Variants in RCHY1 observed in about 807,000 individuals in gnomAD.
RCHY1 encodes RING finger and CHY zinc finger domain-containing protein 1.
In RCHY1, 21 loss-of-function variants were observed where a neutral mutation model predicts 41.6. The observed-to-expected ratio is 0.51, with a 90% CI of 0.36 to 0.73. RCHY1 has a LOEUF of 0.73. Among genes scored for constraint, RCHY1 ranks in the 30% least tolerant of loss-of-function variants. RCHY1 has a pLI of 0.00. For synonymous variants in RCHY1, 79 were observed against 102.9 expected, an observed-to-expected ratio of 0.77 and a Z score of 1.41; for missense variants, 265 against 325.3, an observed-to-expected ratio of 0.81 and a Z score of 1.43.
At chr4:75,513,671 T>C (rs1205142921) in intron 1 of RCHY1, among the ~76,000 whole-genome samples, 6 of 152,230 alleles carry the variant, frequency 3.9e-5, no homozygotes, top group Non-Finnish European at 7.3e-5. Context: ...CACTTTCCTA[T>C]GCATAATTTC....
intron 3 of RCHY1, among the ~76,000 whole-genome samples, chr4:75,500,878 C>T (rs564259998): frequency 5.9e-5 from 9 of 152,172 alleles, no homozygotes; most frequent in Middle Eastern, 3.4e-3. Context: ...GACTGATTTT[C>T]AAACAAAAAT....
chr4:75,495,425 G>C (rs1056109511), intron 3 of RCHY1, among the ~76,000 whole-genome samples: 3 of 152,030 alleles, frequency 2.0e-5, no homozygotes, highest in Admixed American at 2.0e-4. Context: ...CAATGATAGG[G>C]TATTTAGCTA....
At chr4:75,497,496 T>C (rs1057124842) in intron 3 of RCHY1, among the ~76,000 whole-genome samples, 2 of 152,166 alleles carry the variant, frequency 1.3e-5, no homozygotes, top group African/African-American at 2.4e-5. Context: ...ATAAATCCTC[T>C]CTGACCACAT....
At chr4:75,499,856 A>G (rs893585603) in intron 3 of RCHY1, among the ~76,000 whole-genome samples, 4 of 152,256 alleles carry the variant, frequency 2.6e-5, no homozygotes, top group Non-Finnish European at 2.9e-5. Flanking sequence ...CTGGTGTTTG[A>G]TAGACCAGTA....
intron 8 of RCHY1, among the ~76,000 whole-genome samples, chr4:75,485,305 C>A (rs918341177): frequency 6.6e-6 from 1 of 152,184 alleles, no homozygotes; most frequent in African/African-American, 2.4e-5. Flanking sequence ...AGCTAAGAAA[C>A]AGTAGTTAAA....
At chr4:75,509,372 T>TTCC (rs1289909665) in intron 1 of RCHY1, 76 bp from the exon 2 acceptor site, 2 of 1,373,562 alleles carry the variant, frequency 1.5e-6, no homozygotes, top group East Asian at 4.8e-5. Context: ...AGAAAATTTC[T>TTCC]TCCTCCTCCT....
intron 3 of RCHY1, among the ~76,000 whole-genome samples, chr4:75,497,112 A>C (rs1368142711): frequency 2.6e-5 from 4 of 152,140 alleles, no homozygotes; most frequent in Admixed American, 6.6e-5. Context: ...AGGTTAGTCA[A>C]CTTGAAGGCA....
intron 8 of RCHY1, among the ~76,000 whole-genome samples, chr4:75,485,667 C>T (rs1177118347): frequency 6.6e-6 from 1 of 152,130 alleles, no homozygotes; most frequent in Admixed American, 6.5e-5. Context: ...TTTAGAAATG[C>T]ATATTTAGGG....
At chr4:75,501,027 T>C (rs1723696260) in intron 3 of RCHY1, among the ~76,000 whole-genome samples, 1 of 152,170 alleles carries the variant, frequency 6.6e-6, no homozygotes, top group South Asian at 2.1e-4. Flanking sequence ...TATATATTTT[T>C]AGACAGAGTT....
chr4:75,501,420 G>A (rs1183745672), intron 3 of RCHY1, among the ~76,000 whole-genome samples: 1 of 152,082 alleles, frequency 6.6e-6, no homozygotes, highest in African/African-American at 2.4e-5. Flanking sequence ...AATATCTTTT[G>A]GCAGATTTTT....
chr4:75,506,086 C>T (rs190497966), intron 3 of RCHY1, among the ~76,000 whole-genome samples: 4 of 82,058 alleles, frequency 4.9e-5, no homozygotes, highest in Non-Finnish European at 9.3e-5. Context: ...GTCCTAGGAG[C>T]ATAAGAATAA....
At position 75,485,838 on chromosome 4, in the gene RCHY1, T is replaced by C. The variant is rs758243197; in HGVS notation, c.658-3172A>G. 5.9e-5 allele frequency among the ~76,000 whole-genome samples: 9 copies of C among 152,350 alleles called. No individual in the cohort carries two copies. The East Asian group carries it at 1.3e-3, about 23-fold the overall frequency. On this transcript the variant is annotated intron_variant, in intron 8 of 8. Transcript: ENST00000324439. ...TGTGTCTGTATTCCTATAGGTGTTA[T>C]GTGTATGTGATAACATTTGGTAAAT...
intron 3 of RCHY1, among the ~76,000 whole-genome samples, chr4:75,504,592 G>A (rs966717169): frequency 3.9e-5 from 6 of 152,352 alleles, no homozygotes; most frequent in African/African-American, 1.4e-4. Context: ...CAGGCTATTA[G>A]TAGTTAAGTT....
rs1721589277 is a variant in RCHY1 at position 75,482,392 on chromosome 4, G to A, written c.*146C>T. On this transcript the variant is annotated 3_prime_UTR_variant, in exon 9 of 9. Transcript: ENST00000324439. Reference sequence around the variant, plus strand: ...CTATCAAGAGACCCTGAATCCTTACGTACTTGTAATATGATTTTATGCTGT... The same window carrying A: ...CTATCAAGAGACCCTGAATCCTTACATACTTGTAATATGATTTTATGCTGT... 5 of 591,292 alleles carry A rather than the reference G, an allele frequency of 8.5e-6. No individual in the cohort carries two copies. Among genetic ancestry groups the A allele is most frequent in the African/African-American group, 3.8e-5 (2 of 52,194 alleles). 36.6% of individuals were successfully genotyped at this position (591,292 alleles called of 1,614,324 possible). A position where few individuals can be genotyped will look rare whatever the true frequency, so the allele number is the denominator to read the frequency against.
chr4:75,490,780 A>G (rs2148726112), intron 7 of RCHY1, 79 bp from the exon 8 acceptor site: 1 of 1,054,298 alleles, frequency 9.5e-7, no homozygotes, highest in Admixed American at 2.3e-5. Context: ...ATGCAGGCTA[A>G]CTGCCACATG....
At chr4:75,512,500 G>C (rs571145575) in intron 1 of RCHY1, among the ~76,000 whole-genome samples, 6 of 152,192 alleles carry the variant, frequency 3.9e-5, no homozygotes, top group Non-Finnish European at 5.9e-5. Flanking sequence ...GCTACTCAGG[G>C]ACAATGCCCT....
Position 75,494,085 on chromosome 4 carries a change from A to C in RCHY1, c.405+16T>G. ...CACTGTAATATTTTTAAAATTATAC[A>C]AACTAAATTATATACCTTGTGTCTT... On this transcript the variant is annotated intron_variant, in intron 4 of 8. Coordinates refer to ENST00000324439, the MANE Select transcript of RCHY1 (RefSeq NM_015436.4). The C allele has an allele frequency of 7.1e-7, 1 of 1,411,526 alleles. No individual in the cohort carries two copies. Among genetic ancestry groups the C allele is most frequent in the East Asian group, 2.5e-5 (1 of 39,406 alleles). 87.4% of individuals were successfully genotyped at this position (1,411,526 alleles called of 1,614,324 possible).
chr4:75,511,658 G>A (rs1724890820), intron 1 of RCHY1, among the ~76,000 whole-genome samples: 1 of 151,926 alleles, frequency 6.6e-6, no homozygotes, highest in Admixed American at 6.5e-5. Flanking sequence ...TAAAATTAAC[G>A]ATTTTACTGC....
chr4:75,492,096 A>T (rs1722803233), intron 4 of RCHY1, among the ~76,000 whole-genome samples, 163 bp from the exon 5 acceptor site: 1 of 151,970 alleles, frequency 6.6e-6, no homozygotes, highest in South Asian at 2.1e-4. Context: ...TAGTTATTTA[A>T]ATCTCACACT....
Sources: gnomAD v4.1 joint callset for allele counts (sites outside exome capture counted in the v4.1 genomes callset) on GRCh38, gnomAD v4.1.1 for gene constraint, MANE v1.5 for transcripts, NCBI Gene and HGNC (gene_info 2026-07-23, HGNC 2026-07-21) for gene names.